The following UBAP2 variants were observed in gnomAD, a reference collection of about 807,000 sequenced individuals.
The protein encoded by UBAP2 is ubiquitin associated protein 2.
A neutral mutation model predicts 139.6 loss-of-function variants in UBAP2; 75 were observed. The ratio of observed to expected loss-of-function variants is 0.54; its 90% confidence interval spans 0.45 to 0.65. The LOEUF (loss-of-function observed/expected upper bound fraction) is 0.65. Ranked by LOEUF, UBAP2 falls within the 30% of genes least tolerant of loss-of-function variation. The pLI, the probability that UBAP2 is intolerant of heterozygous loss-of-function variation, is 0.00. For missense variants in UBAP2, 1,368 were observed against 1,369.6 expected, an observed-to-expected ratio of 1.00 and a Z score of 0.02; for synonymous variants, 526 against 526.2, an observed-to-expected ratio of 1.00 and a Z score of 0.01.
intron 6 of UBAP2, among the ~76,000 whole-genome samples, 183 bp downstream of exon 6, chr9:33,986,577 T>C (rs1051995126): frequency 1.3e-5 from 2 of 152,170 alleles, no homozygotes; most frequent in African/African-American, 2.4e-5. Flanking sequence ...AACCCTTTGG[T>C]TTCTTCAAAA....
intron 24 of UBAP2, 46 bp from the exon 25 acceptor site, chr9:33,923,524 T>A: frequency 6.3e-7 from 1 of 1,589,464 alleles, no homozygotes; most frequent in South Asian, 1.1e-5. Context: ...AGAGGCAAGC[T>A]GAGGCTGGTC....
chr9:33,977,270 C>T (rs1238295661), intron 6 of UBAP2, among the ~76,000 whole-genome samples: 1 of 151,898 alleles, frequency 6.6e-6, no homozygotes, highest in Non-Finnish European at 1.5e-5. Flanking sequence ...AACTCCTGAC[C>T]TCGTGATCCG....
At chr9:34,022,433 C>T (rs909097253) in intron 1 of UBAP2, among the ~76,000 whole-genome samples, 178 of 112,354 alleles carry the variant, frequency 1.6e-3, no homozygotes, top group African/African-American at 5.7e-3. Context: ...AGCAAGACCC[C>T]TTTTTTTTTT....
intron 1 of UBAP2, among the ~76,000 whole-genome samples, chr9:34,027,810 C>T (rs370951060): frequency 1.1e-4 from 16 of 150,446 alleles, no homozygotes; most frequent in African/African-American, 3.4e-4. Context: ...TGCAGTGAGC[C>T]GAGATTGCAC....
chr9:34,032,193 A>G (rs1267416356), intron 1 of UBAP2, among the ~76,000 whole-genome samples: 1 of 152,142 alleles, frequency 6.6e-6, no homozygotes, highest in Non-Finnish European at 1.5e-5. Flanking sequence ...GTCAAATTCT[A>G]TCCCTAAACG....
At chr9:33,973,574 A>C (rs1045072380) in intron 6 of UBAP2, among the ~76,000 whole-genome samples, 1 of 152,274 alleles carries the variant, frequency 6.6e-6, no homozygotes, top group African/African-American at 2.4e-5. Flanking sequence ...ACTATAAATG[A>C]AATGAGAACC....
intron 6 of UBAP2, 38 bp from the exon 7 acceptor site, chr9:33,973,275 T>C (rs1828047808): frequency 6.3e-7 from 1 of 1,591,928 alleles, no homozygotes; most frequent in Non-Finnish European, 8.6e-7. Context: ...AAAATAATAC[T>C]TATGTCCTAC....
At chr9:33,943,298 G>A in intron 15 of UBAP2, 122 bp downstream of exon 15, 1 of 949,980 alleles carries the variant, frequency 1.1e-6, no homozygotes, top group South Asian at 2.1e-5. Flanking sequence ...GGTTTCTTAT[G>A]GAGATGATGG....
intron 1 of UBAP2, among the ~76,000 whole-genome samples, chr9:34,024,237 G>A (rs1350475335): frequency 1.3e-5 from 2 of 151,860 alleles, no homozygotes; most frequent in African/African-American, 4.8e-5. Context: ...AGCTACTCAG[G>A]AGGCTGAGGC....
chr9:33,995,409 G>GTA (rs1006231174), intron 4 of UBAP2: 1 of 132,014 alleles, frequency 7.6e-6, no homozygotes, highest in East Asian at 2.1e-4. Flanking sequence ...TATATATAAA[G>GTA]TATATATATT....
intron 24 of UBAP2, 139 bp from the exon 25 acceptor site, chr9:33,923,617 C>T (rs1481802366): frequency 2.8e-6 from 3 of 1,057,714 alleles, no homozygotes; most frequent in Non-Finnish European, 4.4e-6. Context: ...GCAACACATG[C>T]TGGATCTAAA....
intron 27 of UBAP2, 25 bp from the exon 28 acceptor site, chr9:33,922,903 G>A (rs375015213): frequency 2.5e-5 from 40 of 1,612,170 alleles, no homozygotes; most frequent in Non-Finnish European, 3.3e-5. Flanking sequence ...AGACAATGGT[G>A]AAGGTCAGGT....
intron 5 of UBAP2, among the ~76,000 whole-genome samples, chr9:33,987,305 G>A (rs1167712918): frequency 1.3e-5 from 2 of 152,076 alleles, no homozygotes; most frequent in South Asian, 2.1e-4. Context: ...CCAGCTACTC[G>A]AGAGGCTAAG....
chr9:33,991,434 T>C (rs567736859), intron 4 of UBAP2, among the ~76,000 whole-genome samples: 2 of 152,300 alleles, frequency 1.3e-5, no homozygotes, highest in African/African-American at 4.8e-5. Flanking sequence ...AGTGTATCCA[T>C]AAATGGAGCA....
chr9:34,004,933 T>C (rs182609032), intron 2 of UBAP2, among the ~76,000 whole-genome samples: 3 of 151,796 alleles, frequency 2.0e-5, no homozygotes, highest in African/African-American at 7.3e-5. Context: ...CATTTAAAAA[T>C]CAGACACTTC....
intron 12 of UBAP2, among the ~76,000 whole-genome samples, chr9:33,950,102 G>A (rs778278565): frequency 6.6e-6 from 1 of 151,962 alleles, no homozygotes; most frequent in Non-Finnish European, 1.5e-5. Flanking sequence ...GTCTCGCTCT[G>A]TCACCCAGGC....
At chr9:33,987,121 C>T (rs1821286353) in intron 5 of UBAP2, among the ~76,000 whole-genome samples, 1 of 151,890 alleles carries the variant, frequency 6.6e-6, no homozygotes, top group Admixed American at 6.6e-5. Flanking sequence ...CAAAAAAATA[C>T]AAAAATTGGC....
chr9:33,979,663 A>G (rs1399930000), intron 6 of UBAP2, among the ~76,000 whole-genome samples: 1 of 152,120 alleles, frequency 6.6e-6, no homozygotes, highest in South Asian at 2.1e-4. Flanking sequence ...CGGGCAGATC[A>G]TGAGGTCAAG....
chr9:33,924,383 C>G (rs1823239776), intron 22 of UBAP2, 99 bp from the exon 23 acceptor site: 4 of 1,180,504 alleles, frequency 3.4e-6, no homozygotes, highest in Non-Finnish European at 5.0e-6. Context: ...ACTCCTGAAA[C>G]AGACTCCATG....
Sources: gnomAD v4.1 joint callset for allele counts (sites outside exome capture counted in the v4.1 genomes callset) on GRCh38, gnomAD v4.1.1 for gene constraint, MANE v1.5 for transcripts, NCBI Gene and HGNC (gene_info 2026-07-23, HGNC 2026-07-21) for gene names.